DPP6: variants seen among roughly 807,000 people sequenced by gnomAD.
DPP6 encodes the protein dipeptidyl peptidase like 6.
In DPP6, 69 loss-of-function variants were observed where a neutral mutation model predicts 122.6. The observed-to-expected ratio is 0.56, with a 90% CI of 0.46 to 0.69. The LOEUF (loss-of-function observed/expected upper bound fraction) is 0.69. DPP6 is among the 30% of genes least tolerant of loss of function. DPP6 has a pLI of 0.00. For missense variants in DPP6, 928 were observed against 1,116.9 expected, an observed-to-expected ratio of 0.83 and a Z score of 2.41; for synonymous variants, 418 against 433.1, an observed-to-expected ratio of 0.97 and a Z score of 0.43.
At chr7:153,914,125 C>T (rs1453893184) in intron 1 of DPP6, among the ~76,000 whole-genome samples, 1 of 152,004 alleles carries the variant, frequency 6.6e-6, no homozygotes, top group Non-Finnish European at 1.5e-5. Context: ...GGGGGTGGGT[C>T]TTTCCCATGC....
rs374262699 is a variant in DPP6, at chr7:154,052,687, T to TTGCTGCTGC, written c.-121_-113dup. The TTGCTGCTGC allele has an allele frequency of 4.3e-6, 5 of 1,168,152 alleles. No homozygotes were observed. The South Asian group carries it at 5.5e-5, about 13-fold the overall frequency. 72.4% of individuals were successfully genotyped at this position (1,168,152 alleles called of 1,614,324 possible). A position where few individuals can be genotyped will look rare whatever the true frequency, so the allele number is the denominator to read the frequency against. On this transcript the variant is annotated 5_prime_UTR_variant, in exon 1 of 26. Coordinates refer to ENST00000377770, the MANE Select transcript of DPP6 (RefSeq NM_130797.4). The surrounding 1 kb of genome is among the most constrained non-coding windows in gnomAD (Gnocchi z 4.8). ...AGCGGCCGCCGGCGCTGGGCTTGCC[T>TTGCTGCTGC]TGCTGCTGCTGCTGCTGCTGCCTCC...
chr7:154,229,416 G>A (rs1223951075), intron 1 of DPP6, among the ~76,000 whole-genome samples: 1 of 152,186 alleles, frequency 6.6e-6, no homozygotes, highest in East Asian at 1.9e-4. Flanking sequence ...CCATTGAGTG[G>A]AATGTTTATT....
intron 1 of DPP6, among the ~76,000 whole-genome samples, chr7:153,889,523 A>T (rs184237594): frequency 6.8e-4 from 104 of 152,334 alleles, no homozygotes; most frequent in African/African-American, 2.3e-3. Flanking sequence ...ATAAGTTTCT[A>T]CTTATAACTT....
At chr7:154,637,967 A>G in intron 6 of DPP6, 94 bp downstream of exon 6, 1 of 1,380,850 alleles carries the variant, frequency 7.2e-7, no homozygotes, top group Admixed American at 2.3e-5. Context: ...AGGGCGGGAA[A>G]TGGCGTTCCA....
intron 8 of DPP6, among the ~76,000 whole-genome samples, chr7:154,754,676 C>A (rs1017023703): frequency 6.6e-6 from 1 of 152,126 alleles, no homozygotes; most frequent in African/African-American, 2.4e-5. Flanking sequence ...CACATGCACA[C>A]GTATGTTTAT....
At chr7:154,789,090 C>T (rs1797514580) in intron 10 of DPP6, among the ~76,000 whole-genome samples, 3 of 152,182 alleles carry the variant, frequency 2.0e-5, no homozygotes, top group South Asian at 4.1e-4. Context: ...GCCTCCCACA[C>T]CTGATACCTG....
the DPP6 span, among the ~76,000 whole-genome samples, chr7:153,863,886 C>A: frequency 6.6e-6 from 1 of 152,152 alleles, no homozygotes; most frequent in Non-Finnish European, 1.5e-5. Flanking sequence ...AAAGTTCATC[C>A]ACGTTGTGGC....
intron 1 of DPP6, among the ~76,000 whole-genome samples, chr7:154,126,103 C>T (rs2150618913): frequency 6.6e-6 from 1 of 152,300 alleles, no homozygotes; most frequent in East Asian, 1.9e-4. Context: ...AAGGGCTATT[C>T]ATGGTGTAGG....
At chr7:154,575,405 G>GTAT (rs1831543286) in intron 5 of DPP6, among the ~76,000 whole-genome samples, 1 of 111,712 alleles carries the variant, frequency 9.0e-6, no homozygotes, top group Non-Finnish European at 1.8e-5. Flanking sequence ...GTGTGTGTGT[G>GTAT]GTGTTTGTGT....
chr7:154,869,565 AG>A (rs1804203702), intron 18 of DPP6, among the ~76,000 whole-genome samples: 1 of 152,170 alleles, frequency 6.6e-6, no homozygotes, highest in South Asian at 2.1e-4. Flanking sequence ...GTCTTAGGCA[AG>A]GGCAAGTGCA....
At chr7:154,813,324 C>G (rs1799192582) in intron 16 of DPP6, among the ~76,000 whole-genome samples, 1 of 152,124 alleles carries the variant, frequency 6.6e-6, no homozygotes. Flanking sequence ...ACCTTGTGAT[C>G]TGCCCACCTC....
the DPP6 span, among the ~76,000 whole-genome samples, chr7:153,852,414 G>A: frequency 3.1e-3 from 479 of 152,214 alleles, 1 homozygote; most frequent in African/African-American, 0.011. Context: ...TATGGCCGGA[G>A]CAGGAGCAAG....
At chr7:153,984,716 G>A (rs1796757229) in intron 1 of DPP6, among the ~76,000 whole-genome samples, 1 of 152,144 alleles carries the variant, frequency 6.6e-6, no homozygotes, top group Non-Finnish European at 1.5e-5. Context: ...CCCCCATGAG[G>A]TTGTCATCAT....
At chr7:153,853,855 T>A in the DPP6 span, among the ~76,000 whole-genome samples, 1 of 151,640 alleles carries the variant, frequency 6.6e-6, no homozygotes, top group African/African-American at 2.4e-5. Flanking sequence ...TTTAATTAGA[T>A]CCCATTTGTC....
chr7:154,710,238 C>T (rs146483286), intron 7 of DPP6, among the ~76,000 whole-genome samples: 7 of 152,302 alleles, frequency 4.6e-5, no homozygotes, highest in Admixed American at 1.3e-4. Context: ...GGAATGTGCA[C>T]GAGGGTCACC....
intron 3 of DPP6, among the ~76,000 whole-genome samples, chr7:154,487,066 C>A (rs1218189069): frequency 6.6e-6 from 1 of 152,164 alleles, no homozygotes; most frequent in African/African-American, 2.4e-5. Context: ...CCAGTTTAGA[C>A]CCCGGCCAAG....
chr7:154,520,812 A>G (rs1826912461), intron 3 of DPP6, among the ~76,000 whole-genome samples: 1 of 152,224 alleles, frequency 6.6e-6, no homozygotes, highest in Non-Finnish European at 1.5e-5. Flanking sequence ...ATCAGTGTCT[A>G]CAACTTACAG....
At chr7:154,405,212 A>G (rs1220309604) in intron 1 of DPP6, among the ~76,000 whole-genome samples, 1 of 152,198 alleles carries the variant, frequency 6.6e-6, no homozygotes, top group Non-Finnish European at 1.5e-5. Context: ...CAACAATCAT[A>G]CACCCATTAA....
chr7:154,251,117 CTG>C (rs1802324923), intron 1 of DPP6, among the ~76,000 whole-genome samples: 1 of 152,128 alleles, frequency 6.6e-6, no homozygotes, highest in Non-Finnish European at 1.5e-5. Context: ...TGCGGGAATG[CTG>C]TTATTTTTGA....
Sources: gnomAD v4.1 joint callset for allele counts (sites outside exome capture counted in the v4.1 genomes callset) on GRCh38, gnomAD v4.1.1 for gene constraint, Gnocchi (gnomAD v3.1) non-coding constraint, MANE v1.5 for transcripts, NCBI Gene and HGNC (gene_info 2026-07-23, HGNC 2026-07-21) for gene names.